SLC30A8: variants seen among roughly 807,000 people sequenced by gnomAD.
SLC30A8 encodes the protein solute carrier family 30 member 8, also known as proton-coupled zinc antiporter SLC30A8.
In SLC30A8, 27 loss-of-function variants were observed where a neutral mutation model predicts 36.9. The ratio of observed to expected loss-of-function variants is 0.73; its 90% CI spans 0.54 to 1.01. SLC30A8 has a LOEUF of 1.01. Ranked by LOEUF, SLC30A8 falls within the 50% of genes least tolerant of loss-of-function variation. The pLI is 0.00. For missense variants in SLC30A8, 439 were observed against 452.0 expected (o/e 0.97, Z 0.26); for synonymous variants, 164 against 172.4 (o/e 0.95, Z 0.38).
intron 2 of SLC30A8, among the ~76,000 whole-genome samples, chr8:117,122,390 G>T (rs571475675): frequency 6.6e-6 from 1 of 151,900 alleles, no homozygotes; most frequent in Non-Finnish European, 1.5e-5. Context: ...TGTTATAATT[G>T]TCCACCTTTT....
intron 7 of SLC30A8, among the ~76,000 whole-genome samples, chr8:117,171,567 G>A (rs528582651): frequency 6.6e-6 from 1 of 152,178 alleles, no homozygotes; most frequent in Non-Finnish European, 1.5e-5. Flanking sequence ...ACTGAAAATA[G>A]GAAGATGAAA....
chr8:116,992,247 A>G (rs2130666095), intron 1 of SLC30A8, among the ~76,000 whole-genome samples: 1 of 152,312 alleles, frequency 6.6e-6, no homozygotes, highest in African/African-American at 2.4e-5. Flanking sequence ...CTTTTAGGCC[A>G]GAATGTGAAA....
intron 1 of SLC30A8, among the ~76,000 whole-genome samples, chr8:117,003,935 A>T (rs1816093921): frequency 6.6e-6 from 1 of 152,306 alleles, no homozygotes; most frequent in South Asian, 2.1e-4. Context: ...GAATGTTTCC[A>T]TTAAAGCCAG....
At chr8:116,960,988 AGAAG>A (rs939260120) in intron 1 of SLC30A8, among the ~76,000 whole-genome samples, 9 of 152,176 alleles carry the variant, frequency 5.9e-5, no homozygotes, top group Non-Finnish European at 1.0e-4. Context: ...TTATTAGTAC[AGAAG>A]GAAGGAAGGA....
chr8:117,107,238 G>T (rs192666339), intron 2 of SLC30A8, among the ~76,000 whole-genome samples: 9 of 152,232 alleles, frequency 5.9e-5, no homozygotes, highest in African/African-American at 1.4e-4. Context: ...ATAACAGGAT[G>T]TCATATTGAC....
At chr8:117,151,566 C>A (rs1333853677) in intron 2 of SLC30A8, among the ~76,000 whole-genome samples, 2 of 152,196 alleles carry the variant, frequency 1.3e-5, no homozygotes, top group African/African-American at 4.8e-5. Flanking sequence ...CATGCTTATT[C>A]CAAAGCAAGC....
chr8:117,012,415 TA>T (rs962394235), intron 1 of SLC30A8, among the ~76,000 whole-genome samples: 60 of 148,906 alleles, frequency 4.0e-4, no homozygotes, highest in African/African-American at 8.1e-4. Context: ...TTGAAAATAT[TA>T]AAAAAAAAAT....
At chr8:116,990,058 G>A (rs1427332098) in intron 1 of SLC30A8, among the ~76,000 whole-genome samples, 2 of 152,148 alleles carry the variant, frequency 1.3e-5, no homozygotes, top group East Asian at 3.8e-4. Flanking sequence ...TGAATAGCAA[G>A]AACTGCAAGC....
chr8:117,033,909 G>A (rs1817131273), intron 1 of SLC30A8, among the ~76,000 whole-genome samples: 1 of 152,150 alleles, frequency 6.6e-6, no homozygotes, highest in South Asian at 2.1e-4. Flanking sequence ...TAATACATTT[G>A]TATTTTTTCC....
intron 2 of SLC30A8, among the ~76,000 whole-genome samples, chr8:117,073,562 T>C (rs943567470): frequency 9.2e-5 from 14 of 152,194 alleles, no homozygotes; most frequent in Admixed American, 9.2e-4. Flanking sequence ...GCCTGGCCGA[T>C]ACTTCTTTCT....
chr8:117,134,398 C>G (rs1372214640), upstream of SLC30A8, among the ~76,000 whole-genome samples: 2 of 151,986 alleles, frequency 1.3e-5, no homozygotes, highest in African/African-American at 4.8e-5. Flanking sequence ...TTTGTCCAGG[C>G]TCTTGCCATA....
intron 1 of SLC30A8, among the ~76,000 whole-genome samples, chr8:117,037,215 A>G (rs1241666828): frequency 3.9e-5 from 6 of 152,202 alleles, no homozygotes; most frequent in Non-Finnish European, 7.3e-5. Flanking sequence ...GCTGCTGCAC[A>G]AAATGTTTTA....
rs553877688 is a variant in SLC30A8, at chr8:116,986,911, C to G, written c.-266+35792C>G. Among the ~76,000 whole-genome samples, 29 of 152,260 alleles carry G rather than the reference C, an allele frequency of 1.9e-4. No individual in the cohort carries two copies. The East Asian group carries it at 5.6e-3, about 29-fold the overall frequency. ...GTATATCTTTATTCTTCTTGCTTCA[C>G]CACCTTTCATGTTCTAAGAAGAAAT... On this transcript the variant is annotated intron_variant, in intron 1 of 10. Coordinates refer to the SLC30A8 transcript ENST00000427715.
At chr8:117,002,101 T>C (rs1238669476) in intron 1 of SLC30A8, among the ~76,000 whole-genome samples, 1 of 152,186 alleles carries the variant, frequency 6.6e-6, no homozygotes, top group Non-Finnish European at 1.5e-5. Context: ...CTGTACCACA[T>C]TGGTTCAGTG....
At chr8:116,972,035 A>C (rs1414032045) in intron 1 of SLC30A8, among the ~76,000 whole-genome samples, 1 of 152,214 alleles carries the variant, frequency 6.6e-6, no homozygotes, top group Admixed American at 6.5e-5. Flanking sequence ...CCTAGTGAAA[A>C]ACTAGCTCAA....
intron 1 of SLC30A8, among the ~76,000 whole-genome samples, chr8:116,954,411 A>G (rs1814114129): frequency 6.6e-6 from 1 of 152,228 alleles, no homozygotes; most frequent in Non-Finnish European, 1.5e-5. Flanking sequence ...CATAAATGTC[A>G]ACATCTGATG....
At chr8:117,010,261 G>A (rs1816303376) in intron 1 of SLC30A8, among the ~76,000 whole-genome samples, 1 of 152,168 alleles carries the variant, frequency 6.6e-6, no homozygotes, top group Non-Finnish European at 1.5e-5. Context: ...GCCTGACTTT[G>A]GGTGAGGGAG....
At chr8:117,102,607 C>T (rs1379952797) in intron 2 of SLC30A8, among the ~76,000 whole-genome samples, 1 of 152,206 alleles carries the variant, frequency 6.6e-6, no homozygotes, top group South Asian at 2.1e-4. Context: ...GACATGCTCA[C>T]TCCAAAGGCT....
intron 2 of SLC30A8, among the ~76,000 whole-genome samples, chr8:117,087,429 C>T (rs1818923782): frequency 6.6e-6 from 1 of 152,150 alleles, no homozygotes; most frequent in Admixed American, 6.5e-5. Flanking sequence ...TCTGAGGTGG[C>T]TCATCATTTT....
Sources: allele counts gnomAD v4.1 joint callset (sites outside exome capture counted in the v4.1 genomes callset), GRCh38; gene constraint gnomAD v4.1.1; transcripts MANE v1.5; gene names NCBI Gene and HGNC (gene_info 2026-07-23, HGNC 2026-07-21).